PCDH7: variants seen among roughly 807,000 people sequenced by gnomAD.
PCDH7 encodes protocadherin-7.
PCDH7 carries 17 observed loss-of-function variants against 58.9 expected under a neutral mutation model. The ratio of observed to expected loss-of-function variants is 0.29; its 90% CI spans 0.20 to 0.43. PCDH7 has a LOEUF of 0.43. Ranked by LOEUF, PCDH7 falls within the 20% of genes least tolerant of loss-of-function variation. The probability of loss-of-function intolerance (pLI) is 1.00; values close to 1 mark genes in which losing one functional copy is unlikely to be tolerated. For synonymous variants in PCDH7, 664 were observed against 616.4 expected (o/e 1.08, Z -1.14); for missense variants, 1,274 against 1,441.0 (o/e 0.88, Z 1.88).
At chr4:30,843,522 C>T (rs890264768) in intron 1 of PCDH7, among the ~76,000 whole-genome samples, 1 of 152,128 alleles carries the variant, frequency 6.6e-6, no homozygotes, top group African/African-American at 2.4e-5. Context: ...AGAAAATAGA[C>T]ATAATGTTTC....
At chr4:31,016,465 T>C (rs1334922836) in intron 3 of PCDH7, among the ~76,000 whole-genome samples, 1 of 149,504 alleles carries the variant, frequency 6.7e-6, no homozygotes, top group Admixed American at 6.7e-5. Context: ...AAGGCCATCA[T>C]CTAAACCAAT....
At chr4:30,985,212 C>A (rs1268375578) in intron 3 of PCDH7, among the ~76,000 whole-genome samples, 1 of 152,192 alleles carries the variant, frequency 6.6e-6, no homozygotes, top group East Asian at 1.9e-4. Flanking sequence ...CCACCTTGGT[C>A]TCCCAAAGTG....
intron 1 of PCDH7, among the ~76,000 whole-genome samples, chr4:30,759,866 T>G (rs1719798278): frequency 1.3e-5 from 2 of 152,180 alleles, no homozygotes; most frequent in Non-Finnish European, 2.9e-5. Flanking sequence ...TACATATTAC[T>G]TTTTGATCAT....
chr4:30,735,940 G>C (rs1267300066), downstream of PCDH7, among the ~76,000 whole-genome samples: 1 of 152,130 alleles, frequency 6.6e-6, no homozygotes, highest in Non-Finnish European at 1.5e-5. Context: ...TTTCAGGCTA[G>C]AAAATTCAGT....
At chr4:30,935,398 A>C (rs1288901118) in intron 2 of PCDH7, 3 of 710,634 alleles carry the variant, frequency 4.2e-6, no homozygotes, top group Non-Finnish European at 5.2e-6. Flanking sequence ...AATTCTCTAG[A>C]CTAAGAGTAC....
At chr4:30,896,890 T>TTTTTTTTTTTTTTTC (rs1739477385) in intron 1 of PCDH7, among the ~76,000 whole-genome samples, 1 of 55,418 alleles carries the variant, frequency 1.8e-5, no homozygotes, top group Non-Finnish European at 3.6e-5. Context: ...AGTTCTTTGC[T>TTTTTTTTTTTTTTTC]TTTTTTTTTT....
At chr4:31,036,439 C>T (rs770846358) in intron 3 of PCDH7, among the ~76,000 whole-genome samples, 5 of 152,094 alleles carry the variant, frequency 3.3e-5, no homozygotes, top group Non-Finnish European at 7.4e-5. Flanking sequence ...GCCCAAAACT[C>T]GGCCTCCCAC....
At chr4:31,141,342 T>A (rs966260374) in intron 3 of PCDH7, among the ~76,000 whole-genome samples, 1 of 152,200 alleles carries the variant, frequency 6.6e-6, no homozygotes, top group Admixed American at 6.5e-5. Flanking sequence ...AATGATACCA[T>A]GTGATAACAA....
chr4:30,917,720 T>G (rs1014339282), intron 1 of PCDH7, among the ~76,000 whole-genome samples: 3 of 152,074 alleles, frequency 2.0e-5, no homozygotes, highest in South Asian at 4.1e-4. Flanking sequence ...ACAAAATGCA[T>G]AGATTCATAG....
At chr4:30,992,877 C>T (rs190952897) in intron 3 of PCDH7, among the ~76,000 whole-genome samples, 1 of 145,964 alleles carries the variant, frequency 6.9e-6, no homozygotes, top group Non-Finnish European at 1.5e-5. Flanking sequence ...TGGCTCACTG[C>T]AACTTCCGCC....
At chr4:30,743,948 G>A (rs1717420655) in intron 1 of PCDH7, among the ~76,000 whole-genome samples, 1 of 152,054 alleles carries the variant, frequency 6.6e-6, no homozygotes, top group Non-Finnish European at 1.5e-5. Context: ...AATGACGTGG[G>A]CAAAGTAGAA....
chr4:30,758,940 GTT>G (rs11463767), intron 1 of PCDH7, among the ~76,000 whole-genome samples: 7 of 124,222 alleles, frequency 5.6e-5, no homozygotes, highest in East Asian at 5.2e-4. Flanking sequence ...TTGAAGAAGT[GTT>G]TTTTTTTTTT....
At chr4:31,107,677 A>G (rs1715748504) in intron 3 of PCDH7, among the ~76,000 whole-genome samples, 1 of 152,134 alleles carries the variant, frequency 6.6e-6, no homozygotes, top group African/African-American at 2.4e-5. Flanking sequence ...AATAGATTCC[A>G]TATCAATATA....
chr4:31,092,470 T>C (rs1314951777), intron 3 of PCDH7, among the ~76,000 whole-genome samples: 1 of 152,016 alleles, frequency 6.6e-6, no homozygotes, highest in Non-Finnish European at 1.5e-5. Flanking sequence ...AATATTACCA[T>C]TGAAAGGGCT....
At chr4:31,041,549 C>G (rs931761147) in intron 3 of PCDH7, among the ~76,000 whole-genome samples, 5 of 152,064 alleles carry the variant, frequency 3.3e-5, no homozygotes, top group Admixed American at 6.6e-5. Flanking sequence ...CCTGAAGGAG[C>G]ACGACACAGA....
At chr4:31,115,889 A>G (rs1307112323) in intron 3 of PCDH7, among the ~76,000 whole-genome samples, 1 of 152,198 alleles carries the variant, frequency 6.6e-6, no homozygotes, top group East Asian at 1.9e-4. Context: ...ACAGATAAGA[A>G]AAACCTCCAT....
At chr4:31,060,211 T>A (rs987790363) in intron 3 of PCDH7, among the ~76,000 whole-genome samples, 1 of 151,824 alleles carries the variant, frequency 6.6e-6, no homozygotes, top group African/African-American at 2.4e-5. Context: ...CTGGACACAT[T>A]GTCCCCAATC....
intron 1 of PCDH7, among the ~76,000 whole-genome samples, chr4:30,879,795 A>C (rs969296256): frequency 6.6e-6 from 1 of 152,178 alleles, no homozygotes; most frequent in African/African-American, 2.4e-5. Flanking sequence ...TGAAAAACAC[A>C]GTAGCATCCC....
intron 3 of PCDH7, among the ~76,000 whole-genome samples, chr4:31,069,809 G>A (rs897087976): frequency 4.0e-5 from 4 of 100,714 alleles, no homozygotes; most frequent in Non-Finnish European, 6.3e-5. Context: ...AAGATAGTAT[G>A]AGCTACTTCT....
Sources: gnomAD v4.1 joint callset for allele counts (sites outside exome capture counted in the v4.1 genomes callset) on GRCh38, gnomAD v4.1.1 for gene constraint, MANE v1.5 for transcripts, NCBI Gene and HGNC (gene_info 2026-07-23, HGNC 2026-07-21) for gene names.